MYH11: variants seen among roughly 807,000 people sequenced by gnomAD.
The protein encoded by MYH11 is myosin heavy chain 11.
In MYH11, 80 loss-of-function variants were observed where a neutral mutation model predicts 246.6. The observed-to-expected ratio is 0.32, with a 90% CI of 0.27 to 0.39. MYH11 has a LOEUF of 0.39. Among genes scored for constraint, MYH11 ranks in the 10% least tolerant of loss-of-function variants. The pLI is 1.00. For synonymous variants in MYH11, 1,071 were observed against 1,015.5 expected (o/e 1.05, Z -1.04); for missense variants, 2,158 against 2,546.8 (o/e 0.85, Z 3.29).
At chr16:15,817,447 A>C (rs2043288962) in intron 3 of MYH11, among the ~76,000 whole-genome samples, 1 of 152,124 alleles carries the variant, frequency 6.6e-6, no homozygotes, top group Non-Finnish European at 1.5e-5. Flanking sequence ...AGCAGAAATC[A>C]TACCACTGAG....
At chr16:15,776,369 A>C (rs1444918090) in intron 7 of MYH11, among the ~76,000 whole-genome samples, 193 bp from the exon 8 acceptor site, 1 of 151,934 alleles carries the variant, frequency 6.6e-6, no homozygotes, top group East Asian at 1.9e-4. Flanking sequence ...CTTCAGATGC[A>C]AAAAAAAGGG....
chr16:15,833,738 G>T (rs999035656), intron 2 of MYH11, among the ~76,000 whole-genome samples: 1 of 152,190 alleles, frequency 6.6e-6, no homozygotes, highest in Admixed American at 6.5e-5. Flanking sequence ...AGAGGGCAAA[G>T]TCATGCATGC....
chr16:15,704,122 G>A lies in MYH11; in HGVS notation c.5788C>T (p.Arg1930Ter), dbSNP rs772670393. 9 of 1,613,762 alleles carry A rather than the reference G, an allele frequency of 5.6e-6. No individual in the cohort carries two copies. Among genetic ancestry groups the A allele is most frequent in the Admixed American group, 1.7e-5 (1 of 59,968 alleles). ...EVNALKSKLRRGNETSFVPSR... is the reference protein window; with the variant it reads ...EVNALKSKLR ...GGAACGAAAGAGGTCTCGTTTCCTC[G>A]CCTGTGGGTTGTAAGAAAACACATT... The change falls in exon 41 of 41, where the codon CGA (arginine) becomes TGA (stop). Residue 1930 changes from arginine to a stop codon, truncating the protein, a stop_gained and splice_region_variant. Transcript: ENST00000300036. LOFTEE classifies it high-confidence loss of function.
chr16:15,798,878 C>T (rs2042816637), intron 3 of MYH11, among the ~76,000 whole-genome samples, 191 bp from the exon 4 acceptor site: 1 of 152,170 alleles, frequency 6.6e-6, no homozygotes, highest in Non-Finnish European at 1.5e-5. Flanking sequence ...AGGGCAGCCC[C>T]AAAGTCCCAG....
chr16:15,814,823 C>T (rs1215850277), intron 3 of MYH11, among the ~76,000 whole-genome samples: 1 of 152,126 alleles, frequency 6.6e-6, no homozygotes, highest in African/African-American at 2.4e-5. Flanking sequence ...TCACACCCCA[C>T]AGAAGGTGGT....
chr16:15,753,658 C>T (rs1012607903), intron 14 of MYH11, 150 bp from the exon 15 acceptor site: 13 of 719,106 alleles, frequency 1.8e-5, no homozygotes, highest in Admixed American at 4.0e-5. Flanking sequence ...ACTCCACAAA[C>T]ACCAGTGAAG....
chr16:15,784,846 C>A (rs1261578015), intron 5 of MYH11: 3 of 959,260 alleles, frequency 3.1e-6, no homozygotes, highest in Non-Finnish European at 4.9e-6. Context: ...GACTGGTCAG[C>A]TCCTTTTCCT....
chr16:15,821,659 C>T (rs2043413186), intron 3 of MYH11, among the ~76,000 whole-genome samples: 1 of 150,974 alleles, frequency 6.6e-6, no homozygotes, highest in South Asian at 2.1e-4. Context: ...TGGCTTATGC[C>T]TGTAATCCCA....
chr16:15,769,174 G>A (rs2042045269), intron 9 of MYH11, among the ~76,000 whole-genome samples: 1 of 152,118 alleles, frequency 6.6e-6, no homozygotes, highest in South Asian at 2.1e-4. Context: ...AAATTAGTGG[G>A]GCATGGTGGT....
At chr16:15,723,067 C>A (rs147679982) in intron 31 of MYH11, among the ~76,000 whole-genome samples, 2 of 152,044 alleles carry the variant, frequency 1.3e-5, no homozygotes, top group African/African-American at 2.4e-5. Context: ...TTTAGAATAA[C>A]CCTGAGTCAC....
intron 9 of MYH11, among the ~76,000 whole-genome samples, chr16:15,766,580 C>A (rs2041989039): frequency 6.6e-6 from 1 of 152,118 alleles, no homozygotes; most frequent in African/African-American, 2.4e-5. Context: ...CCATGTTGGC[C>A]AGGCTGGTCT....
At chr16:15,766,971 C>T (rs1450796192) in intron 9 of MYH11, among the ~76,000 whole-genome samples, 1 of 152,168 alleles carries the variant, frequency 6.6e-6, no homozygotes, top group Admixed American at 6.5e-5. Flanking sequence ...GAGTTCAAAT[C>T]CCAGCTTTGC....
At chr16:15,782,503 T>C in intron 5 of MYH11, 26 bp from the exon 6 acceptor site, 2 of 1,595,520 alleles carry the variant, frequency 1.3e-6, no homozygotes, top group Non-Finnish European at 1.7e-6. Flanking sequence ...ATCTAGTTAT[T>C]GGAGAAAGCA....
intron 2 of MYH11, among the ~76,000 whole-genome samples, chr16:15,831,009 T>A (rs2043721911): frequency 6.6e-6 from 1 of 151,766 alleles, no homozygotes; most frequent in Non-Finnish European, 1.5e-5. Flanking sequence ...CCCTCTCTAC[T>A]AAAAATACAA....
At chr16:15,800,262 G>A (rs576430038) in intron 3 of MYH11, among the ~76,000 whole-genome samples, 15 of 151,998 alleles carry the variant, frequency 9.9e-5, no homozygotes, top group East Asian at 3.9e-4. Flanking sequence ...GTAAATGGAC[G>A]GGAGGATAAA....
At chr16:15,788,078 T>TG (rs1491533253) in intron 4 of MYH11, among the ~76,000 whole-genome samples, 1 of 80,870 alleles carries the variant, frequency 1.2e-5, no homozygotes, top group African/African-American at 7.2e-5. Flanking sequence ...AAGGTAGATC[T>TG]TTTTTTTTTT....
chr16:15,770,585 G>A (rs2042078388), intron 9 of MYH11, among the ~76,000 whole-genome samples: 1 of 152,082 alleles, frequency 6.6e-6, no homozygotes, highest in Non-Finnish European at 1.5e-5. Context: ...AAAAGCCTGA[G>A]TAAATCCACT....
At position 15,771,551 on chromosome 16, in the gene MYH11, T is replaced by A. The variant is rs774611190; in HGVS notation, c.1033+18A>T. 1.2e-6 allele frequency: 2 copies of A among 1,606,804 alleles called. No individual in the cohort carries two copies. The highest frequency in any genetic ancestry group is 1.7e-6 in the Non-Finnish European group (2 of 1,176,452). ...TATCCAGGCAAGCTACCCTCCAGAC[T>A]CAAGGTGTGAGGCTTACATAGCTGC... On this transcript the variant is annotated intron_variant, in intron 9 of 40. Transcript: ENST00000300036.
rs1291364486 is a variant in MYH11 at position 15,724,888 on chromosome 16, C to G, written c.3963G>C (p.Gln1321His). ...CTGGATGATGTGGCAGGACACTCAC[C>G]TGGGTGTCCTGGAGCTGGGAACTGA... ...ASLSSQLQDTQELLQEETRQK... is the reference protein window; with the variant it reads ...ASLSSQLQDTHELLQEETRQK... Residue 1321 changes from glutamine to histidine, a missense_variant and splice_region_variant, in exon 29 of 41, where the codon CAG (glutamine) becomes CAC (histidine). Coordinates refer to ENST00000300036, the MANE Select transcript of MYH11 (RefSeq NM_002474.3). 6.2e-7 allele frequency: 1 copy of G among 1,613,968 alleles called. No individual in the cohort carries two copies. Among genetic ancestry groups the G allele is most frequent in the Non-Finnish European group, 8.5e-7 (1 of 1,179,952 alleles).
Sources: allele counts gnomAD v4.1 joint callset (sites outside exome capture counted in the v4.1 genomes callset), GRCh38; gene constraint gnomAD v4.1.1; transcripts MANE v1.5; gene names NCBI Gene and HGNC (gene_info 2026-07-23, HGNC 2026-07-21).